The following ALK variants were observed in gnomAD, a reference collection of about 807,000 sequenced individuals.
ALK encodes the protein ALK receptor tyrosine kinase.
In ALK, 74 loss-of-function variants were observed where a neutral mutation model predicts 163.1. The ratio of observed to expected loss-of-function variants is 0.45; its 90% CI spans 0.38 to 0.55. The LOEUF (loss-of-function observed/expected upper bound fraction) is 0.55, where lower values mean the gene tolerates loss of function less well. ALK is among the 20% of genes least tolerant of loss of function. The pLI is 0.00. For synonymous variants in ALK, 960 were observed against 843.2 expected, an observed-to-expected ratio of 1.14 and a Z score of -2.40; for missense variants, 2,063 against 2,105.3, an observed-to-expected ratio of 0.98 and a Z score of 0.39.
chr2:29,204,278 C>T (rs927050162), intron 26 of ALK, among the ~76,000 whole-genome samples: 1 of 152,206 alleles, frequency 6.6e-6, no homozygotes, highest in East Asian at 1.9e-4. Context: ...ATTCAGATTT[C>T]CTTAGTTTTC....
chr2:29,679,856 G>T (rs1347605716), intron 3 of ALK, among the ~76,000 whole-genome samples: 1 of 151,842 alleles, frequency 6.6e-6, no homozygotes, highest in Admixed American at 6.6e-5. Context: ...CACTTCCTTA[G>T]TATTTATTGT....
intron 1 of ALK, among the ~76,000 whole-genome samples, chr2:29,907,746 C>G (rs966611946): frequency 6.6e-6 from 1 of 152,126 alleles, no homozygotes; most frequent in Non-Finnish European, 1.5e-5. Context: ...GCTCCCACAT[C>G]GATATCTTCA....
chr2:29,688,834 G>T (rs1678310628), intron 3 of ALK, among the ~76,000 whole-genome samples: 1 of 152,178 alleles, frequency 6.6e-6, no homozygotes, highest in Non-Finnish European at 1.5e-5. Flanking sequence ...TGTTCCTACA[G>T]ACAAACTGAA....
At chr2:29,567,619 G>T (rs1573462297) in intron 3 of ALK, among the ~76,000 whole-genome samples, 1 of 152,062 alleles carries the variant, frequency 6.6e-6, no homozygotes, top group East Asian at 1.9e-4. Context: ...TATAAACTTT[G>T]CATGCTTGCT....
intron 5 of ALK, among the ~76,000 whole-genome samples, chr2:29,374,072 A>G (rs1194437021): frequency 1.3e-5 from 2 of 152,232 alleles, no homozygotes; most frequent in Non-Finnish European, 2.9e-5. Flanking sequence ...ATGGAAAGGC[A>G]AAAGGCAGAT....
At chr2:29,642,950 T>C (rs932092124) in intron 3 of ALK, among the ~76,000 whole-genome samples, 13 of 152,194 alleles carry the variant, frequency 8.5e-5, no homozygotes, top group Non-Finnish European at 1.8e-4. Flanking sequence ...TCATACTATG[T>C]GAGATTAAAT....
At chr2:29,701,776 T>C (rs552448660) in intron 2 of ALK, among the ~76,000 whole-genome samples, 11 of 152,262 alleles carry the variant, frequency 7.2e-5, no homozygotes, top group South Asian at 4.2e-4. Context: ...TTAATCCCTA[T>C]GAATTAGGCA....
At chr2:29,843,739 A>G (rs539146160) in intron 1 of ALK, among the ~76,000 whole-genome samples, 1 of 152,322 alleles carries the variant, frequency 6.6e-6, no homozygotes, top group African/African-American at 2.4e-5. Context: ...CACTTTTCAA[A>G]ACCAGAAGTT....
intron 5 of ALK, among the ~76,000 whole-genome samples, chr2:29,332,831 C>T (rs1467753071): frequency 6.6e-6 from 1 of 152,148 alleles, no homozygotes; most frequent in East Asian, 1.9e-4. Flanking sequence ...TGAGCGTAAA[C>T]CTTTGCCTGC....
At chr2:29,874,669 A>G (rs949240165) in intron 1 of ALK, among the ~76,000 whole-genome samples, 3 of 152,346 alleles carry the variant, frequency 2.0e-5, no homozygotes, top group South Asian at 2.1e-4. Context: ...AGAAATATAC[A>G]TGGGAAAATC....
intron 1 of ALK, among the ~76,000 whole-genome samples, chr2:29,734,487 A>G (rs1482663994): frequency 6.6e-6 from 1 of 152,220 alleles, no homozygotes; most frequent in East Asian, 1.9e-4. Flanking sequence ...AGAGGGAGAC[A>G]AAACTAGTTC....
intron 4 of ALK, among the ~76,000 whole-genome samples, chr2:29,461,022 T>C (rs1478791158): frequency 1.3e-5 from 2 of 152,168 alleles, no homozygotes; most frequent in African/African-American, 2.4e-5. Context: ...AACAGACTTA[T>C]TGCTGCTGTG....
intron 12 of ALK, among the ~76,000 whole-genome samples, chr2:29,247,893 CTT>C (rs1664725541): frequency 6.6e-6 from 1 of 152,164 alleles, no homozygotes; most frequent in Non-Finnish European, 1.5e-5. Flanking sequence ...TCTGGTGCAT[CTT>C]GTGTTTTTTT....
chr2:29,213,517 AG>A (rs1324447444), intron 24 of ALK, among the ~76,000 whole-genome samples: 6 of 152,192 alleles, frequency 3.9e-5, no homozygotes, highest in Admixed American at 3.9e-4. Context: ...TTTCTATGGC[AG>A]GGGGAAGCCT....
chr2:29,903,184 C>G (rs187466720), intron 1 of ALK, among the ~76,000 whole-genome samples: 1 of 152,020 alleles, frequency 6.6e-6, no homozygotes, highest in Non-Finnish European at 1.5e-5. Flanking sequence ...AAGTCCTGAA[C>G]GCATGGAAAG....
rs534745208 is a variant in ALK at position 29,915,615 on chromosome 2, G to A, written c.667+4378C>T. ...TTTCTCTTTTAAAAATTTTTGAAAT[G>A]TTAAATTGGATGTGGATGAACTTCA... On this transcript the variant is annotated intron_variant, in intron 1 of 28. Transcript: ENST00000389048. Among the ~76,000 whole-genome samples, 5 of 152,278 alleles carry A rather than the reference G, an allele frequency of 3.3e-5. No individual in the cohort carries two copies. The South Asian group carries it at 1.0e-3, about 32-fold the overall frequency.
At chr2:29,350,385 C>T (rs1668081141) in intron 5 of ALK, among the ~76,000 whole-genome samples, 1 of 152,182 alleles carries the variant, frequency 6.6e-6, no homozygotes, top group African/African-American at 2.4e-5. Context: ...GCTAGTGGCC[C>T]CTTGGTGATC....
intron 1 of ALK, among the ~76,000 whole-genome samples, chr2:29,904,260 G>C (rs1667482631): frequency 6.6e-6 from 1 of 152,110 alleles, no homozygotes; most frequent in Non-Finnish European, 1.5e-5. Context: ...ATAAACAAAA[G>C]ATTCGCTGGT....
chr2:29,295,019 C>G (rs969405271), intron 9 of ALK, among the ~76,000 whole-genome samples: 1 of 152,198 alleles, frequency 6.6e-6, no homozygotes, highest in Admixed American at 6.5e-5. Context: ...CAGCTTCCAA[C>G]CTCAGAGCAT....
Sources: gnomAD v4.1 joint callset for allele counts (sites outside exome capture counted in the v4.1 genomes callset) on GRCh38, gnomAD v4.1.1 for gene constraint, MANE v1.5 for transcripts, NCBI Gene and HGNC (gene_info 2026-07-23, HGNC 2026-07-21) for gene names.